CTNNA3: variants seen among roughly 807,000 people sequenced by gnomAD.
The protein encoded by CTNNA3 is catenin alpha-3.
CTNNA3 carries 76 observed loss-of-function variants against 95.7 expected under a neutral mutation model. The observed-to-expected ratio is 0.79, with a 90% confidence interval of 0.66 to 0.96. The LOEUF (loss-of-function observed/expected upper bound fraction) is 0.96. CTNNA3 is among the 40% of genes least tolerant of loss of function. The pLI is 0.00. For missense variants in CTNNA3, 1,191 were observed against 1,089.8 expected, an observed-to-expected ratio of 1.09 and a Z score of -1.31; for synonymous variants, 431 against 374.4, an observed-to-expected ratio of 1.15 and a Z score of -1.74.
intron 9 of CTNNA3, among the ~76,000 whole-genome samples, chr10:66,738,890 T>C (rs529389882): frequency 9.5e-4 from 145 of 152,340 alleles, no homozygotes; most frequent in African/African-American, 3.1e-3. Context: ...GTTCTACTTA[T>C]AATTTGCTTT....
intron 7 of CTNNA3, among the ~76,000 whole-genome samples, chr10:67,016,108 T>C (rs1452372421): frequency 6.6e-6 from 1 of 152,194 alleles, no homozygotes; most frequent in East Asian, 1.9e-4. Flanking sequence ...ACTTGTGTCA[T>C]TTATTTGCTT....
chr10:67,504,331 T>A (rs1053923953), intron 5 of CTNNA3, among the ~76,000 whole-genome samples: 3 of 145,080 alleles, frequency 2.1e-5, no homozygotes, highest in Non-Finnish European at 4.5e-5. Context: ...CAGGCGCCTG[T>A]AGTCCCAGCT....
chr10:67,665,710 GAC>G (rs1363528262), intron 1 of CTNNA3: 2 of 152,152 alleles, frequency 1.3e-5, no homozygotes, highest in African/African-American at 4.8e-5. Context: ...TGACTGACAG[GAC>G]ACAGTGGCCC....
intron 13 of CTNNA3, among the ~76,000 whole-genome samples, chr10:66,253,397 C>T (rs2090636023): frequency 6.6e-6 from 1 of 151,698 alleles, no homozygotes; most frequent in Admixed American, 6.6e-5. Flanking sequence ...ATCATATGTT[C>T]TAATTAGATC....
intron 7 of CTNNA3, among the ~76,000 whole-genome samples, chr10:67,069,096 G>A (rs1369041565): frequency 6.6e-6 from 1 of 151,652 alleles, no homozygotes; most frequent in Non-Finnish European, 1.5e-5. Flanking sequence ...AACAGAAAAA[G>A]AAAAAGAAGA....
intron 12 of CTNNA3, among the ~76,000 whole-genome samples, chr10:66,361,794 C>G (rs141397108): frequency 0.036 from 5,470 of 152,020 alleles, 130 homozygotes; most frequent in Non-Finnish European, 0.05. Context: ...TTCCTCAGCC[C>G]CCCAAAGTGC....
At chr10:67,419,129 A>T (rs191213806) in intron 5 of CTNNA3, among the ~76,000 whole-genome samples, 1 of 152,300 alleles carries the variant, frequency 6.6e-6, no homozygotes, top group East Asian at 1.9e-4. Flanking sequence ...TTGGTAAATT[A>T]TTCCACCTCT....
chr10:65,979,089 T>A (rs1438744648), intron 16 of CTNNA3, among the ~76,000 whole-genome samples: 1 of 152,164 alleles, frequency 6.6e-6, no homozygotes, highest in Admixed American at 6.5e-5. Context: ...TACCAGAAGT[T>A]ATATATGCTG....
intron 3 of CTNNA3, among the ~76,000 whole-genome samples, chr10:67,569,340 T>C (rs1253696567): frequency 1.3e-5 from 2 of 152,148 alleles, no homozygotes; most frequent in African/African-American, 4.8e-5. Context: ...GCTGGACATA[T>C]AGACAAGCTG....
At chr10:66,613,920 G>C (rs1844418743) in intron 10 of CTNNA3, among the ~76,000 whole-genome samples, 1 of 152,094 alleles carries the variant, frequency 6.6e-6, no homozygotes, top group Admixed American at 6.6e-5. Context: ...GTAGATGAAA[G>C]AGAATATGTT....
intron 7 of CTNNA3, among the ~76,000 whole-genome samples, chr10:66,877,626 T>G (rs1844676703): frequency 6.6e-6 from 1 of 152,110 alleles, no homozygotes; most frequent in Non-Finnish European, 1.5e-5. Flanking sequence ...AATGAGGAAG[T>G]CTTTCTAAGA....
rs566518144 is a variant in CTNNA3 at position 66,348,990 on chromosome 10, C to T, written c.1732+30162G>A. Reference sequence around the variant, plus strand: ...GTCCTTTAAGGTGGCCACCATGACCCTTTCTTCCTGAGTTTGTGACTTGTT... The same window carrying T: ...GTCCTTTAAGGTGGCCACCATGACCTTTTCTTCCTGAGTTTGTGACTTGTT... On this transcript the variant is annotated intron_variant, in intron 12 of 17. Transcript: ENST00000433211. Among the ~76,000 whole-genome samples, 10 of 152,020 alleles carry T rather than the reference C, an allele frequency of 6.6e-5. 1 individual carries two copies. The highest frequency in any genetic ancestry group is 1.5e-4 in the Non-Finnish European group (10 of 67,972).
intron 7 of CTNNA3, among the ~76,000 whole-genome samples, chr10:66,922,617 T>C (rs1252802305): frequency 1.3e-5 from 2 of 152,316 alleles, no homozygotes; most frequent in Non-Finnish European, 2.9e-5. Flanking sequence ...GTAGGGGCCA[T>C]ACACAGTTCC....
chr10:66,525,230 G>A lies in CTNNA3; in HGVS notation c.1375-4457C>T, dbSNP rs144081045. On this transcript the variant is annotated intron_variant, in intron 10 of 17. Transcript: ENST00000433211. ...ATAAAAGAAAAAAAAAGAACTAGGA[G>A]TTGACTGTTTTTGAGAGTATCCTAT... Among the ~76,000 whole-genome samples the A allele has an allele frequency of 5.3e-5, 8 of 151,636 alleles. No individual in the cohort carries two copies. The East Asian group carries it at 1.4e-3, about 26-fold the overall frequency.
At chr10:67,205,136 AT>A (rs958182166) in intron 6 of CTNNA3, among the ~76,000 whole-genome samples, 47 of 152,320 alleles carry the variant, frequency 3.1e-4, no homozygotes, top group African/African-American at 1.1e-3. Context: ...GGTTATTAAC[AT>A]TTAAACTATA....
At chr10:66,870,670 C>T (rs1053981520) in intron 7 of CTNNA3, among the ~76,000 whole-genome samples, 1 of 152,116 alleles carries the variant, frequency 6.6e-6, no homozygotes, top group Non-Finnish European at 1.5e-5. Flanking sequence ...ACCATCTCTC[C>T]TCTGTTCATT....
At position 65,988,816 on chromosome 10, in the gene CTNNA3, A is replaced by G. The variant is rs200450770; in HGVS notation, c.2160-19T>C. ...TTTGCCCCTGGAAAAAAATTTATAT[A>G]TGTTAGCTGTGGTGTTCATGAGAAA... On this transcript the variant is annotated intron_variant, in intron 15 of 17. Transcript: ENST00000433211. 1.4e-4 allele frequency: 223 copies of G among 1,571,588 alleles called. 1 individual carries two copies. The African/African-American group carries it at 2.7e-3, about 19-fold the overall frequency.
At chr10:67,555,517 T>C (rs1029355651) in intron 3 of CTNNA3, among the ~76,000 whole-genome samples, 2 of 152,200 alleles carry the variant, frequency 1.3e-5, no homozygotes, top group Non-Finnish European at 2.9e-5. Context: ...TTTGAAGCAA[T>C]TGTGAATGAG....
chr10:67,231,374 C>T (rs1463015422), intron 5 of CTNNA3, among the ~76,000 whole-genome samples: 2 of 152,218 alleles, frequency 1.3e-5, no homozygotes, highest in African/African-American at 4.8e-5. Flanking sequence ...ACCCTTGACC[C>T]CAGAGCAGCC....
Sources: allele counts gnomAD v4.1 joint callset (sites outside exome capture counted in the v4.1 genomes callset), GRCh38; gene constraint gnomAD v4.1.1; transcripts MANE v1.5; gene names NCBI Gene and HGNC (gene_info 2026-07-23, HGNC 2026-07-21).